The following NFAM1 variants were observed in gnomAD, a reference collection of about 807,000 sequenced individuals.
NFAM1 encodes the protein NFAT activating protein with ITAM motif 1.
In NFAM1, 17 loss-of-function variants were observed where a neutral mutation model predicts 29.0. That is an observed-to-expected ratio of 0.59 (90% CI 0.40 to 0.88). The LOEUF (loss-of-function observed/expected upper bound fraction) is 0.88, where lower values mean the gene tolerates loss of function less well. Among genes scored for constraint, NFAM1 ranks in the 40% least tolerant of loss-of-function variants. The pLI, the probability that NFAM1 is intolerant of heterozygous loss-of-function variation, is 0.00. For missense variants in NFAM1, 324 were observed against 344.6 expected (o/e 0.94, Z 0.47); for synonymous variants, 175 against 147.2 (o/e 1.19, Z -1.36).
chr22:42,396,205 G>A (rs898910090), intron 4 of NFAM1, among the ~76,000 whole-genome samples: 5 of 152,048 alleles, frequency 3.3e-5, no homozygotes, highest in Admixed American at 6.6e-5. Context: ...CAGAGAAGTC[G>A]GCCTGCATCC....
At chr22:42,406,279 C>G (rs1929895696) in intron 3 of NFAM1, among the ~76,000 whole-genome samples, 1 of 152,328 alleles carries the variant, frequency 6.6e-6, no homozygotes. Context: ...CTGAGGCCAC[C>G]CTGATCCCGG....
At chr22:42,424,500 C>T (rs990924993) in intron 1 of NFAM1, among the ~76,000 whole-genome samples, 1 of 152,190 alleles carries the variant, frequency 6.6e-6, no homozygotes, top group African/African-American at 2.4e-5. Context: ...TCTCAAGAAG[C>T]AAGCCGAACT....
chr22:42,419,990 G>GTT lies in NFAM1; in HGVS notation c.122-8256_122-8255dup, dbSNP rs869262500. Among the ~76,000 whole-genome samples the GTT allele has an allele frequency of 3.3e-5, 1 of 30,522 alleles. No homozygotes were observed. The highest frequency in any genetic ancestry group is 5.6e-5 in the Non-Finnish European group (1 of 17,916). The allele number at this position is 30,522 out of a possible 152,430, so 20.0% of individuals were successfully genotyped here. ...CTTTGAGTCTGTAATCCCACTCTTG[G>GTT]TTTTTTTTTTTTTTTTTTTTTTTTT... On this transcript the variant is annotated intron_variant, in intron 1 of 5. Coordinates refer to ENST00000329021, the MANE Select transcript of NFAM1 (RefSeq NM_145912.8). This position sits in a 1 kb window ranked among gnomAD's most constrained non-coding sequence, Gnocchi z 4.5.
intron 4 of NFAM1, among the ~76,000 whole-genome samples, chr22:42,396,107 T>C (rs1929516887): frequency 6.6e-6 from 1 of 152,098 alleles, no homozygotes; most frequent in South Asian, 2.1e-4. Flanking sequence ...GGTAGACCCT[T>C]ATGTCAAGGG....
chr22:42,414,909 C>G (rs1043094371), intron 1 of NFAM1, among the ~76,000 whole-genome samples: 1 of 152,212 alleles, frequency 6.6e-6, no homozygotes, highest in Non-Finnish European at 1.5e-5. Flanking sequence ...AACTCTGCTA[C>G]TGCAATTAAG....
intron 1 of NFAM1, among the ~76,000 whole-genome samples, chr22:42,431,568 CT>C (rs988709111): frequency 6.6e-6 from 1 of 152,186 alleles, no homozygotes; most frequent in Non-Finnish European, 1.5e-5. Flanking sequence ...CTGAGGCTAC[CT>C]ACCCCACAGC....
At chr22:42,408,480 T>C (rs1321930159) in intron 3 of NFAM1, among the ~76,000 whole-genome samples, 1 of 152,062 alleles carries the variant, frequency 6.6e-6, no homozygotes, top group Non-Finnish European at 1.5e-5. Context: ...CCCCGGAGGG[T>C]GGAGCAGTAG....
At chr22:42,406,899 T>TGGGGC (rs1198445608) in intron 3 of NFAM1, among the ~76,000 whole-genome samples, 2 of 151,826 alleles carry the variant, frequency 1.3e-5, no homozygotes, top group East Asian at 1.9e-4. Flanking sequence ...CTCAGGCTTC[T>TGGGGC]AAGTAACTGG....
At chr22:42,394,965 A>G (rs1929468075) in intron 4 of NFAM1, among the ~76,000 whole-genome samples, 1 of 152,030 alleles carries the variant, frequency 6.6e-6, no homozygotes, top group Non-Finnish European at 1.5e-5. Context: ...AAAAAATTAA[A>G]AAACTCAAAA....
intron 1 of NFAM1, among the ~76,000 whole-genome samples, chr22:42,415,185 C>G (rs1002862437): frequency 2.0e-5 from 3 of 152,100 alleles, no homozygotes; most frequent in African/African-American, 4.8e-5. Flanking sequence ...GCCAAAAAAC[C>G]CGGGGGAGGA....
chr22:42,437,714 T>C, the NFAM1 span, among the ~76,000 whole-genome samples: 1 of 152,172 alleles, frequency 6.6e-6, no homozygotes, highest in Admixed American at 6.5e-5. Context: ...GTGACCCTTC[T>C]TCCCCCTCTA....
intron 1 of NFAM1, among the ~76,000 whole-genome samples, chr22:42,423,730 T>C (rs1480558178): frequency 6.6e-6 from 1 of 151,080 alleles, no homozygotes; most frequent in Non-Finnish European, 1.5e-5. Context: ...CTTTTCTTTT[T>C]TTTTTTTTGA....
In NFAM1 at chr22:42,388,406, C is replaced by A. The variant is rs1291372166; in HGVS notation, c.664-1328G>T. ...TTGAATGGTCAAGAGAAGCATGAGGCCTGCCCACCTCCCCTCTCTGGGATC... is the reference window on the plus strand; with the variant it reads ...TTGAATGGTCAAGAGAAGCATGAGGACTGCCCACCTCCCCTCTCTGGGATC... On this transcript the variant is annotated intron_variant, in intron 4 of 5. Coordinates refer to ENST00000329021, the MANE Select transcript of NFAM1 (RefSeq NM_145912.8). The surrounding 1 kb of genome is among the most constrained non-coding windows in gnomAD (Gnocchi z 4.1). 1.3e-5 allele frequency among the ~76,000 whole-genome samples: 2 copies of A among 152,194 alleles called. No homozygotes were observed. Among genetic ancestry groups the A allele is most frequent in the Non-Finnish European group, 2.9e-5 (2 of 68,030 alleles).
rs1156621851 is a variant in NFAM1 at position 42,381,342 on chromosome 22, G to A, written c.*3819C>T. The stretch of plus-strand genomic sequence containing the variant: ...CAGGAGTCAAGCGGGGGTGGGGTTG[G>A]AGGCTGAAACCCATTGAAGGGGTCA... On this transcript the variant is annotated 3_prime_UTR_variant, in exon 6 of 6. Coordinates refer to ENST00000329021, the MANE Select transcript of NFAM1 (RefSeq NM_145912.8). The A allele has an allele frequency of 6.5e-6, 1 of 153,106 alleles. No homozygotes were observed. Among genetic ancestry groups the A allele is most frequent in the Non-Finnish European group, 1.5e-5 (1 of 68,142 alleles). The allele number at this position is 153,106 out of a possible 1,614,324, so 9.5% of individuals were successfully genotyped here. A position where few individuals can be genotyped will look rare whatever the true frequency, so the allele number is the denominator to read the frequency against.
At chr22:42,428,129 A>G (rs1351363772) in intron 1 of NFAM1, among the ~76,000 whole-genome samples, 4 of 152,084 alleles carry the variant, frequency 2.6e-5, no homozygotes, top group African/African-American at 9.7e-5. Flanking sequence ...CCCAACCACA[A>G]TCTGCATCCC....
intron 3 of NFAM1, among the ~76,000 whole-genome samples, chr22:42,405,119 G>A (rs1460892743): frequency 6.6e-6 from 1 of 152,138 alleles, no homozygotes; most frequent in Non-Finnish European, 1.5e-5. Context: ...GGAGGGAGCA[G>A]GGACCAGAAC....
Position 42,411,714 on chromosome 22 carries a change from G to T in NFAM1, c.144C>A (p.Thr48=). 6.2e-7 allele frequency: 1 copy of T among 1,613,678 alleles called. No homozygotes were observed. Among genetic ancestry groups the T allele is most frequent in the African/African-American group, 1.3e-5 (1 of 75,058 alleles). The change falls in exon 2 of 6, where the codon ACC becomes ACA. Residue 48 remains threonine, a synonymous_variant. Transcript: ENST00000329021. ...RLAGGQSVTH[T]GLPIMASLAN... ...CCAGGGAGGCCATGATGGGCAGGCC[G>T]GTGTGGGTCACTGACTGTCCTCCTG...
chr22:42,406,152 C>T (rs749690023), intron 3 of NFAM1, among the ~76,000 whole-genome samples: 6 of 33,782 alleles, frequency 1.8e-4, no homozygotes, highest in African/African-American at 4.5e-4. Context: ...GCGGGGCAGG[C>T]GCAGATCCAA....
upstream of NFAM1, among the ~76,000 whole-genome samples, chr22:42,436,687 A>T (rs556941820): frequency 1.3e-5 from 2 of 152,326 alleles, no homozygotes; most frequent in East Asian, 3.9e-4. Flanking sequence ...ACAGTTCTAA[A>T]GGCTTTTCTT....
Sources: allele counts gnomAD v4.1 joint callset (sites outside exome capture counted in the v4.1 genomes callset), GRCh38; gene constraint gnomAD v4.1.1; non-coding constraint Gnocchi (gnomAD v3.1); transcripts MANE v1.5; gene names NCBI Gene and HGNC (gene_info 2026-07-23, HGNC 2026-07-21).